Variants in C20orf203 observed in about 807,000 individuals in gnomAD.
The protein encoded by C20orf203 is uncharacterized protein C20orf203.
A neutral mutation model predicts 15.9 loss-of-function variants in C20orf203; 16 were observed. That is an observed-to-expected ratio of 1.01 (90% CI 0.68 to 1.53). C20orf203 has a LOEUF of 1.53. Ranked by LOEUF, C20orf203 falls within the 40% of genes most tolerant of loss-of-function variation. The pLI is 0.00. For synonymous variants in C20orf203, 98 were observed against 97.2 expected, an observed-to-expected ratio of 1.01 and a Z score of -0.05; for missense variants, 263 against 247.5, an observed-to-expected ratio of 1.06 and a Z score of -0.42.
At chr20:32,670,367 G>T (rs1393057386) in intron 1 of C20orf203, among the ~76,000 whole-genome samples, 1 of 151,636 alleles carries the variant, frequency 6.6e-6, no homozygotes, top group East Asian at 1.9e-4. Context: ...TTAGCCAGGT[G>T]TGGTGGCAGG....
At chr20:32,648,299 G>T (rs1887446458) in intron 4 of C20orf203, among the ~76,000 whole-genome samples, 1 of 151,818 alleles carries the variant, frequency 6.6e-6, no homozygotes, top group African/African-American at 2.4e-5. Context: ...CATCATTCAG[G>T]TTCTGCTCAG....
chr20:32,641,949 C>A (rs543890826), intron 4 of C20orf203, among the ~76,000 whole-genome samples: 1 of 152,204 alleles, frequency 6.6e-6, no homozygotes, highest in East Asian at 1.9e-4. Flanking sequence ...GTGATCCTTC[C>A]ACCTCAGCCT....
Position 32,650,688 on chromosome 20 carries a change from A to G in C20orf203, c.329T>C (p.Leu110Pro), listed in dbSNP as rs2145671532. 1 of 1,548,532 alleles carries G rather than the reference A, an allele frequency of 6.5e-7. No individual in the cohort carries two copies. Among genetic ancestry groups the G allele is most frequent in the South Asian group, 1.2e-5 (1 of 83,936 alleles). Residue 110 changes from leucine to proline, a missense_variant, in exon 4 of 6, where the codon CTC becomes CCC. Physicochemically the swap from Leu to Pro is moderately conservative, Grantham distance 98. Transcript: ENST00000608990. ...GGEGWGEVGG[L>P]RLSKVGRRDR... ...TCTCCGACCCACCTTGCTGAGCCTG[A>G]GGCCTCCAACTTCCCCCCACCCCTC...
chr20:32,667,325 G>A (rs967073875), intron 1 of C20orf203, among the ~76,000 whole-genome samples: 5 of 152,226 alleles, frequency 3.3e-5, no homozygotes, highest in African/African-American at 4.8e-5. Context: ...GGAGGGCTTC[G>A]GAGCAGGTGA....
chr20:32,634,379 G>A (rs190466781), intron 5 of C20orf203, 109 bp from the exon 6 acceptor site: 19 of 395,996 alleles, frequency 4.8e-5, no homozygotes, highest in African/African-American at 3.7e-4. Context: ...TTCAAGAAGT[G>A]CACGTTGTTC....
In C20orf203 at chr20:32,650,344, G is replaced by A; in HGVS notation, c.*88C>T. On this transcript the variant is annotated 3_prime_UTR_variant, in exon 4 of 6. Transcript: ENST00000608990. The stretch of plus-strand genomic sequence containing the variant: ...CACTCTGGGGAGCAGAATGATTGTG[G>A]GGGGTGGTAACAGGGGACACCCTGA... 1 of 923,146 alleles carries A rather than the reference G, an allele frequency of 1.1e-6. No individual in the cohort carries two copies. The allele number at this position is 923,146 out of a possible 1,614,324, so 57.2% of individuals were successfully genotyped here.
rs1432863549 is a variant in C20orf203 at position 32,650,156 on chromosome 20, C to G, written c.*276G>C. ...CAAGGGAGAAGCCATTCTCCAGCAG[C>G]TGGACAGGACCAGAGCCTGCCCCGC... On this transcript the variant is annotated 3_prime_UTR_variant, in exon 4 of 6. Coordinates refer to ENST00000608990, the MANE Select transcript of C20orf203 (RefSeq NM_182584.4). The G allele has an allele frequency of 7.1e-6, 3 of 419,774 alleles. No individual in the cohort carries two copies. 26.0% of individuals were successfully genotyped at this position (419,774 alleles called of 1,614,324 possible).
At chr20:32,672,707 C>T (rs542261987) in intron 1 of C20orf203, among the ~76,000 whole-genome samples, 1 of 152,248 alleles carries the variant, frequency 6.6e-6, no homozygotes, top group Admixed American at 6.5e-5. Context: ...CACACCAGGC[C>T]TTTTTGTTCT....
chr20:32,642,353 C>G (rs1389593931), intron 4 of C20orf203, among the ~76,000 whole-genome samples: 1 of 152,112 alleles, frequency 6.6e-6, no homozygotes, highest in Non-Finnish European at 1.5e-5. Context: ...CCACAAGTGT[C>G]CAGTGAATGT....
chr20:32,664,879 C>T (rs1982982317), intron 1 of C20orf203, among the ~76,000 whole-genome samples: 1 of 152,236 alleles, frequency 6.6e-6, no homozygotes, highest in African/African-American at 2.4e-5. Context: ...GAGCCCCAGG[C>T]AGTGAGTCGA....
At chr20:32,655,842 G>T (rs1982741404) in intron 1 of C20orf203, among the ~76,000 whole-genome samples, 1 of 152,164 alleles carries the variant, frequency 6.6e-6, no homozygotes, top group South Asian at 2.1e-4. Flanking sequence ...TGGGATGTTT[G>T]TCTCCTCCAA....
chr20:32,636,576 G>A (rs1982143534), intron 5 of C20orf203, among the ~76,000 whole-genome samples: 1 of 152,214 alleles, frequency 6.6e-6, no homozygotes, highest in South Asian at 2.1e-4. Context: ...GACACGCAAG[G>A]CCCCTGTCAT....
chr20:32,644,434 C>T (rs548164273), intron 4 of C20orf203, among the ~76,000 whole-genome samples: 2 of 152,156 alleles, frequency 1.3e-5, no homozygotes, highest in South Asian at 2.1e-4. Flanking sequence ...GGCGACAGAG[C>T]GAGACTCCAT....
intron 4 of C20orf203, among the ~76,000 whole-genome samples, chr20:32,644,678 C>T (rs542236890): frequency 3.3e-5 from 5 of 152,224 alleles, no homozygotes; most frequent in Non-Finnish European, 5.9e-5. Context: ...GCAAATCTAA[C>T]ATCCAGCAAC....
At position 32,650,767 on chromosome 20, in the gene C20orf203, G is replaced by C. The variant is rs1202600015; in HGVS notation, c.250C>G (p.Pro84Ala). 1.4e-5 allele frequency: 22 copies of C among 1,518,144 alleles called. No homozygotes were observed. The highest frequency in any genetic ancestry group is 1.4e-5 in the Non-Finnish European group (16 of 1,130,306). 94.0% of individuals were successfully genotyped at this position (1,518,144 alleles called of 1,614,324 possible). A position where few individuals can be genotyped will look rare whatever the true frequency, so the allele number is the denominator to read the frequency against. ...GGGCCTGGGTGTTGCGGAGGAGGAG[G>C]CTGGCGCTGGTGGCTGGGCTGGGGG... is the stretch of plus-strand genomic sequence containing the variant. Reference protein sequence around the residue: ...VHPQPSHQRQPPPPQHPGPYQ... With the variant: ...VHPQPSHQRQAPPPQHPGPYQ... Residue 84 changes from proline (P) to alanine (A), a missense_variant, in exon 4 of 6, where the codon CCT becomes GCT. Physicochemically the swap from Pro to Ala is conservative, Grantham distance 27 (BLOSUM62 -1). Coordinates refer to ENST00000608990, the MANE Select transcript of C20orf203 (RefSeq NM_182584.4).
intron 4 of C20orf203, among the ~76,000 whole-genome samples, chr20:32,641,753 T>C (rs1982286674): frequency 6.6e-6 from 1 of 152,254 alleles, no homozygotes; most frequent in African/African-American, 2.4e-5. Flanking sequence ...TGATTGGCCA[T>C]TTATACATCT....
At chr20:32,645,185 G>C (rs925887735) in intron 4 of C20orf203, among the ~76,000 whole-genome samples, 4 of 152,104 alleles carry the variant, frequency 2.6e-5, no homozygotes, top group African/African-American at 9.7e-5. Flanking sequence ...CTGGAGAATC[G>C]AGCTCTTTCA....
chr20:32,665,482 G>A (rs1319669799), intron 1 of C20orf203, among the ~76,000 whole-genome samples: 1 of 152,182 alleles, frequency 6.6e-6, no homozygotes, highest in East Asian at 1.9e-4. Flanking sequence ...GAGCCCCAGT[G>A]ACCAGGCCGG....
At position 32,659,501 on chromosome 20, in the gene C20orf203, T is replaced by G. The variant is rs151323922; in HGVS notation, c.-263-7520A>C. Among the ~76,000 whole-genome samples the G allele has an allele frequency of 4.6e-5, 7 of 152,378 alleles. No homozygotes were observed. In the East Asian group the frequency reaches 1.3e-3, roughly 29 times the overall value. On this transcript the variant is annotated intron_variant, in intron 1 of 5. Coordinates refer to ENST00000608990, the MANE Select transcript of C20orf203 (RefSeq NM_182584.4). ...GAAGTGATGGGTGGGACCACCATCT[T>G]CATTGTACAGATGAGCAAACTGAGG...
Sources: allele counts gnomAD v4.1 joint callset (sites outside exome capture counted in the v4.1 genomes callset), GRCh38; gene constraint gnomAD v4.1.1; transcripts MANE v1.5; gene names NCBI Gene and HGNC (gene_info 2026-07-23, HGNC 2026-07-21).